CSMD1: variants seen among roughly 807,000 people sequenced by gnomAD.
CSMD1 encodes CUB and Sushi multiple domains 1.
Under a neutral mutation model 417.5 loss-of-function variants are expected in CSMD1, and 213 were observed. The observed-to-expected ratio is 0.51, with a 90% CI of 0.46 to 0.57. The LOEUF (loss-of-function observed/expected upper bound fraction) is 0.57. Among genes scored for constraint, CSMD1 ranks in the 20% least tolerant of loss-of-function variants. The probability of loss-of-function intolerance (pLI) is 0.00; values close to 1 mark genes in which losing one functional copy is unlikely to be tolerated. For missense variants in CSMD1, 6,923 were observed against 4,529.7 expected (o/e 1.53, Z -15.17); for synonymous variants, 2,862 against 1,736.8 (o/e 1.65, Z -16.11).
At chr8:4,054,829 G>A (rs992364449) in intron 3 of CSMD1, among the ~76,000 whole-genome samples, 2 of 152,108 alleles carry the variant, frequency 1.3e-5, no homozygotes, top group Non-Finnish European at 2.9e-5. Context: ...CATCTATCTA[G>A]CCACAGCAGC....
intron 10 of CSMD1, among the ~76,000 whole-genome samples, chr8:3,557,651 G>A (rs557562306): frequency 2.6e-5 from 4 of 152,044 alleles, no homozygotes; most frequent in Admixed American, 6.5e-5. Context: ...TGCCTTCTGC[G>A]GAAATGCTTG....
At chr8:4,816,065 G>A (rs769092852) in intron 1 of CSMD1, among the ~76,000 whole-genome samples, 71 of 152,316 alleles carry the variant, frequency 4.7e-4, no homozygotes, top group Non-Finnish European at 7.8e-4. Flanking sequence ...AACACAGCAG[G>A]ACTGGGTTTA....
chr8:3,992,325 C>G (rs1320236629), intron 5 of CSMD1, among the ~76,000 whole-genome samples: 4 of 152,100 alleles, frequency 2.6e-5, no homozygotes, highest in East Asian at 3.9e-4. Flanking sequence ...AAGGGGAACT[C>G]TGGGGTGACA....
chr8:3,204,055 G>A (rs1797122663), intron 31 of CSMD1, among the ~76,000 whole-genome samples: 1 of 152,180 alleles, frequency 6.6e-6, no homozygotes, highest in Non-Finnish European at 1.5e-5. Flanking sequence ...TCAGGAAAGA[G>A]TAACGAATGG....
chr8:4,142,077 C>T (rs1803826040), intron 3 of CSMD1, among the ~76,000 whole-genome samples: 1 of 139,516 alleles, frequency 7.2e-6, no homozygotes, highest in African/African-American at 2.5e-5. Flanking sequence ...AAAAATAACT[C>T]CATACTGGAA....
intron 33 of CSMD1, among the ~76,000 whole-genome samples, chr8:3,198,775 A>C (rs1019946225): frequency 3.3e-5 from 5 of 152,222 alleles, no homozygotes; most frequent in Non-Finnish European, 5.9e-5. Flanking sequence ...AATACGTAAT[A>C]GTATCAATAA....
At chr8:4,015,298 G>A (rs901015867) in intron 4 of CSMD1, among the ~76,000 whole-genome samples, 1 of 152,084 alleles carries the variant, frequency 6.6e-6, no homozygotes, top group Non-Finnish European at 1.5e-5. Context: ...AGAATTTATA[G>A]GCACCCATAA....
At chr8:2,952,737 C>T (rs1285544179) in intron 65 of CSMD1, among the ~76,000 whole-genome samples, 2 of 152,190 alleles carry the variant, frequency 1.3e-5, no homozygotes, top group African/African-American at 2.4e-5. Flanking sequence ...TACTAATCCA[C>T]TTGTTCAAGC....
At chr8:3,006,421 A>T (rs1429549857) in intron 52 of CSMD1, among the ~76,000 whole-genome samples, 1 of 151,334 alleles carries the variant, frequency 6.6e-6, no homozygotes, top group Non-Finnish European at 1.5e-5. Context: ...GGAAAAAACT[A>T]CTTTAAAGTT....
intron 5 of CSMD1, among the ~76,000 whole-genome samples, chr8:3,765,246 C>T (rs572657387): frequency 4.1e-4 from 62 of 152,262 alleles, no homozygotes; most frequent in African/African-American, 1.0e-3. Flanking sequence ...CTCCTGCTTT[C>T]GCCCTTGATC....
At chr8:3,776,497 C>G (rs1798891654) in intron 5 of CSMD1, among the ~76,000 whole-genome samples, 1 of 152,296 alleles carries the variant, frequency 6.6e-6, no homozygotes, top group Middle Eastern at 3.4e-3. Flanking sequence ...ATTTCCTGCT[C>G]TCTCTTAAAC....
At chr8:4,181,181 T>A (rs902344892) in intron 3 of CSMD1, among the ~76,000 whole-genome samples, 7 of 152,158 alleles carry the variant, frequency 4.6e-5, no homozygotes, top group African/African-American at 1.4e-4. Context: ...TGAGAAAGCA[T>A]TGAATAAATA....
chr8:3,155,557 C>T (rs953171667), intron 39 of CSMD1, among the ~76,000 whole-genome samples: 8 of 151,162 alleles, frequency 5.3e-5, no homozygotes, highest in South Asian at 2.1e-4. Flanking sequence ...TTAGTAGAGA[C>T]GGGATTTTAC....
At chr8:4,217,450 T>C (rs1800752101) in intron 3 of CSMD1, among the ~76,000 whole-genome samples, 1 of 152,116 alleles carries the variant, frequency 6.6e-6, no homozygotes, top group Non-Finnish European at 1.5e-5. Context: ...CGTTATACCA[T>C]AGCTATACAC....
intron 5 of CSMD1, among the ~76,000 whole-genome samples, chr8:3,850,900 G>C (rs936675636): frequency 1.3e-5 from 2 of 152,120 alleles, no homozygotes; most frequent in African/African-American, 2.4e-5. Context: ...ACAGGAAACA[G>C]AGTTTAAAGT....
At chr8:4,098,184 A>C (rs1801123245) in intron 3 of CSMD1, among the ~76,000 whole-genome samples, 2 of 152,180 alleles carry the variant, frequency 1.3e-5, no homozygotes, top group South Asian at 2.1e-4. Context: ...CTTTAGAATA[A>C]AGCTAATTTC....
At chr8:4,527,388 C>A (rs546558081) in intron 2 of CSMD1, among the ~76,000 whole-genome samples, 11 of 152,276 alleles carry the variant, frequency 7.2e-5, no homozygotes, top group Middle Eastern at 3.4e-3. Context: ...TTTATACGGT[C>A]ATTTTATACC....
At chr8:4,945,287 A>T (rs553709722) in intron 1 of CSMD1, among the ~76,000 whole-genome samples, 112 of 152,312 alleles carry the variant, frequency 7.4e-4, no homozygotes, top group African/African-American at 2.6e-3. Flanking sequence ...ACAGAGTTTT[A>T]GTTTTGCAAA....
intron 54 of CSMD1, among the ~76,000 whole-genome samples, chr8:2,992,391 G>A (rs542581684): frequency 9.7e-4 from 147 of 152,084 alleles, no homozygotes; most frequent in African/African-American, 3.2e-3. Context: ...ACTTTAGAAC[G>A]GTTAACTAGG....
Sources: allele counts gnomAD v4.1 joint callset (sites outside exome capture counted in the v4.1 genomes callset), GRCh38; gene constraint gnomAD v4.1.1; transcripts MANE v1.5; gene names NCBI Gene and HGNC (gene_info 2026-07-23, HGNC 2026-07-21).